UGT2A2: variants seen among roughly 807,000 people sequenced by gnomAD.
UGT2A2 encodes UDP glucuronosyltransferase family 2 member A2, also known as UDP-glucuronosyltransferase 2A2.
A neutral mutation model predicts 50.7 loss-of-function variants in UGT2A2; 60 were observed. The ratio of observed to expected loss-of-function variants is 1.18; its 90% CI spans 0.96 to 1.47. UGT2A2 has a LOEUF of 1.47. Ranked by LOEUF, UGT2A2 falls within the 40% of genes most tolerant of loss-of-function variation. UGT2A2 has a pLI of 0.00. For synonymous variants in UGT2A2, 242 were observed against 214.6 expected, an observed-to-expected ratio of 1.13 and a Z score of -1.11; for missense variants, 762 against 634.0, an observed-to-expected ratio of 1.20 and a Z score of -2.17.
chr4:69,597,061 C>G (rs566630561), intron 2 of UGT2A2, among the ~76,000 whole-genome samples: 1 of 152,232 alleles, frequency 6.6e-6, no homozygotes, highest in African/African-American at 2.4e-5. Flanking sequence ...GGATACTGAG[C>G]TAGGCTTTTA....
intron 1 of UGT2A2, among the ~76,000 whole-genome samples, chr4:69,616,153 G>A (rs750742088): frequency 6.6e-6 from 1 of 151,748 alleles, no homozygotes; most frequent in Non-Finnish European, 1.5e-5. Context: ...ACTCACATGT[G>A]GAAGCTAAAA....
chr4:69,619,690 A>G (rs1286711686), intron 1 of UGT2A2, among the ~76,000 whole-genome samples: 2 of 152,074 alleles, frequency 1.3e-5, no homozygotes, highest in South Asian at 2.1e-4. Context: ...TGGCAGAAAC[A>G]CAACAAAAAA....
intron 2 of UGT2A2, among the ~76,000 whole-genome samples, chr4:69,597,343 T>G (rs975320124): frequency 1.3e-5 from 2 of 152,186 alleles, no homozygotes; most frequent in Non-Finnish European, 2.9e-5. Flanking sequence ...CTATGTGCCC[T>G]TAATTTGAGC....
In UGT2A2 at chr4:69,603,777, C is replaced by A. The variant is rs966720106; in HGVS notation, c.743-4383G>T. On this transcript the variant is annotated intron_variant, in intron 1 of 5. Transcript: ENST00000604629. ...AAGAACTACGTGACAAATGCACAAG[C>A]CTCAGTAGCCGATTCAATCAACTGG... 2.9e-5 allele frequency among the ~76,000 whole-genome samples: 4 copies of A among 136,678 alleles called. 1 individual carries two copies. The highest frequency in any genetic ancestry group is 1.2e-4 in the African/African-American group (4 of 33,724). The allele number at this position is 136,678 out of a possible 152,430, so 89.7% of individuals were successfully genotyped here. A position where few individuals can be genotyped will look rare whatever the true frequency, so the allele number is the denominator to read the frequency against.
intron 1 of UGT2A2, among the ~76,000 whole-genome samples, chr4:69,625,139 C>T (rs1330811470): frequency 6.7e-6 from 1 of 149,738 alleles, no homozygotes; most frequent in Non-Finnish European, 1.5e-5. Flanking sequence ...GCTTGCATTG[C>T]TTTCAATGAG....
At chr4:69,590,638 A>AGT (rs4148321) in intron 5 of UGT2A2, among the ~76,000 whole-genome samples, 28,970 of 150,146 alleles carry the variant, frequency 0.19, 2,996 homozygotes, top group Non-Finnish European at 0.24. Context: ...ACATGTGTTG[A>AGT]GTGTGTGTGT....
intron 5 of UGT2A2, 23 bp from the exon 6 acceptor site, chr4:69,589,674 G>T (rs959232605): frequency 7.7e-6 from 12 of 1,567,528 alleles, no homozygotes; most frequent in Non-Finnish European, 1.0e-5. Context: ...TAAATAGGCA[G>T]AAATTAGACA....
Position 69,633,970 on chromosome 4 carries a change from G to A in UGT2A2, c.742+4929C>T, listed in dbSNP as rs931260369. ...TACAAAATTTTAAAAACCCGGCCGCGCGCGGTGGCTCACGCCTGTAATCTC... is the reference window on the plus strand; with the variant it reads ...TACAAAATTTTAAAAACCCGGCCGCACGCGGTGGCTCACGCCTGTAATCTC... On this transcript the variant is annotated intron_variant, in intron 1 of 5. Coordinates refer to ENST00000604629, the MANE Select transcript of UGT2A2 (RefSeq NM_001105677.2). Among the ~76,000 whole-genome samples, 6 of 152,246 alleles carry A rather than the reference G, an allele frequency of 3.9e-5. No individual in the cohort carries two copies. The East Asian group carries it at 5.8e-4, about 15-fold the overall frequency.
intron 1 of UGT2A2, among the ~76,000 whole-genome samples, chr4:69,612,678 G>T (rs1425546760): frequency 2.0e-5 from 3 of 151,990 alleles, no homozygotes; most frequent in Admixed American, 1.3e-4. Context: ...CTAGCCATAT[G>T]CAGAAGAAAG....
rs766575965 is a variant in UGT2A2 at position 69,594,503 on chromosome 4, A to G, written c.1305T>C (p.Ala435=). The change falls in exon 5 of 6, where the codon GCT becomes GCC. Residue 435 remains alanine, a synonymous_variant. Transcript: ENST00000604629. ...NTMTSVDLLS[A]LRTVINEPSY... is the part of the protein sequence containing the mutation. Reference sequence around the variant, plus strand: ...AAGGTTCATTAATGACTGTTCTCAAAGCGCTAAGCAAATCCACACTTGTCA... The same window carrying G: ...AAGGTTCATTAATGACTGTTCTCAAGGCGCTAAGCAAATCCACACTTGTCA... The G allele has an allele frequency of 6.2e-7, 1 of 1,614,156 alleles. No homozygotes were observed. Among genetic ancestry groups the G allele is most frequent in the Non-Finnish European group, 8.5e-7 (1 of 1,180,030 alleles).
intron 1 of UGT2A2, among the ~76,000 whole-genome samples, chr4:69,630,152 T>C (rs549740775): frequency 1.3e-5 from 2 of 152,228 alleles, no homozygotes; most frequent in East Asian, 3.9e-4. Flanking sequence ...ATCAGGGCTC[T>C]AAGTTTCCAT....
intron 1 of UGT2A2, among the ~76,000 whole-genome samples, chr4:69,622,437 A>G (rs939334577): frequency 1.3e-5 from 2 of 151,814 alleles, no homozygotes; most frequent in African/African-American, 4.8e-5. Context: ...AACTACATAG[A>G]AAGTAAAAGA....
At chr4:69,597,559 A>T (rs1330387124) in intron 2 of UGT2A2, among the ~76,000 whole-genome samples, 1 of 152,166 alleles carries the variant, frequency 6.6e-6, no homozygotes, top group African/African-American at 2.4e-5. Context: ...GTATCACTTT[A>T]TGACTAGCCA....
chr4:69,626,616 A>G (rs1393526311), intron 1 of UGT2A2, among the ~76,000 whole-genome samples: 2 of 151,738 alleles, frequency 1.3e-5, no homozygotes, highest in East Asian at 3.9e-4. Flanking sequence ...TTGCACATAT[A>G]CCCTTGGAAA....
At chr4:69,591,284 A>G (rs1481436180) in intron 5 of UGT2A2, among the ~76,000 whole-genome samples, 3 of 152,206 alleles carry the variant, frequency 2.0e-5, no homozygotes, top group Non-Finnish European at 4.4e-5. Context: ...TTAGGAAGGC[A>G]TAAGACATTA....
At chr4:69,630,362 A>G (rs568141419) in intron 1 of UGT2A2, among the ~76,000 whole-genome samples, 62 of 152,068 alleles carry the variant, frequency 4.1e-4, no homozygotes, top group African/African-American at 1.5e-3. Flanking sequence ...ATAACTCCCC[A>G]TTCCCACCTC....
chr4:69,610,126 T>A (rs749510330), intron 1 of UGT2A2, among the ~76,000 whole-genome samples: 10 of 152,128 alleles, frequency 6.6e-5, no homozygotes, highest in Non-Finnish European at 1.3e-4. Context: ...ATTAGCAAAG[T>A]TGATATAGTT....
At chr4:69,618,655 G>A (rs989811294) in intron 1 of UGT2A2, among the ~76,000 whole-genome samples, 5 of 151,850 alleles carry the variant, frequency 3.3e-5, no homozygotes, top group Admixed American at 1.3e-4. Context: ...AAATCTTTAT[G>A]CTTTTCAGAT....
Position 69,594,506 on chromosome 4 carries a change from G to T in UGT2A2, c.1302C>A (p.Ser434Arg), listed in dbSNP as rs370581731. The T allele has an allele frequency of 1.3e-5, 21 of 1,613,972 alleles. No individual in the cohort carries two copies. Among genetic ancestry groups the T allele is most frequent in the Non-Finnish European group, 1.8e-5 (21 of 1,180,004 alleles). Residue 434 changes from serine (S) to arginine (R), a missense_variant, in exon 5 of 6, where the codon AGC (serine) becomes AGA (arginine). Coordinates refer to ENST00000604629, the MANE Select transcript of UGT2A2 (RefSeq NM_001105677.2). The stretch of plus-strand genomic sequence containing the variant: ...GTTCATTAATGACTGTTCTCAAAGC[G>T]CTAAGCAAATCCACACTTGTCATTG... ...LNTMTSVDLL[S>R]ALRTVINEPS...
Sources: allele counts gnomAD v4.1 joint callset (sites outside exome capture counted in the v4.1 genomes callset), GRCh38; gene constraint gnomAD v4.1.1; transcripts MANE v1.5; gene names NCBI Gene and HGNC (gene_info 2026-07-23, HGNC 2026-07-21).